SRPK3: variants seen among roughly 807,000 people sequenced by gnomAD.
SRPK3 encodes the protein SRSF protein kinase 3, also known as SFRS protein kinase 3.
SRPK3 carries 26 observed loss-of-function variants against 45.3 expected under a neutral mutation model. That is an observed-to-expected ratio of 0.57 (90% CI 0.42 to 0.80). SRPK3 has a LOEUF of 0.80. Among genes scored for constraint, SRPK3 ranks in the 30% least tolerant of loss-of-function variants. The probability of loss-of-function intolerance (pLI) is 0.00; values close to 1 mark genes in which losing one functional copy is unlikely to be tolerated. For missense variants in SRPK3, 536 were observed against 514.5 expected, an observed-to-expected ratio of 1.04 and a Z score of -0.40; for synonymous variants, 254 against 226.6, an observed-to-expected ratio of 1.12 and a Z score of -1.09.
chrX:153,781,180 G>T (rs782021714), intron 1 of SRPK3, 35 bp downstream of exon 1: 2 of 1,192,534 alleles, frequency 1.7e-6, no homozygotes, highest in South Asian at 3.7e-5. Context: ...AGCCCCTGGC[G>T]TCTCTCATGC....
chrX:153,781,767 A>G lies in SRPK3; in HGVS notation c.324A>G (p.Lys108=). ...GGCGCAAGCGCTTTGTGGCCCTCAA[A>G]GTGGTGAAGAGTGCGGGGCATTACA... The part of the protein sequence containing the change: ...DIQRKRFVAL[K]VVKSAGHYTE... The change falls in exon 4 of 15, where the codon AAA becomes AAG. Residue 108 remains lysine, a synonymous_variant. Coordinates refer to ENST00000370101, the MANE Select transcript of SRPK3 (RefSeq NM_014370.4). 8.3e-7 allele frequency: 1 copy of G among 1,211,415 alleles called. No individual in the cohort carries two copies. Among genetic ancestry groups the G allele is most frequent in the Non-Finnish European group, 1.1e-6 (1 of 895,468 alleles).
At chrX:153,781,471 C>T (rs1344942396) in intron 2 of SRPK3, 34 bp from the exon 3 acceptor site, 3 of 1,190,536 alleles carry the variant, frequency 2.5e-6, no homozygotes, top group Admixed American at 4.5e-5. Context: ...GAGTGAGAAC[C>T]CCCTCCACCC....
chrX:153,782,722 G>A (rs1388138533), intron 5 of SRPK3, 50 bp from the exon 6 acceptor site: 1 of 1,129,564 alleles, frequency 8.9e-7, no homozygotes, highest in Non-Finnish European at 1.2e-6. Context: ...GGGTGGGTGG[G>A]GCCTGTGCCG....
chrX:153,782,683 G>A (rs2092058899), intron 5 of SRPK3, 89 bp from the exon 6 acceptor site: 8 of 937,367 alleles, frequency 8.5e-6, no homozygotes, highest in East Asian at 3.4e-5. Context: ...ACCTCCACAC[G>A]GCCCAAGCCT....
Position 153,784,395 on chromosome X carries a change from G to A in SRPK3, c.1248+1G>A, listed in dbSNP as rs2092072265. On this transcript the variant is annotated splice_donor_variant, in intron 11 of 14. Coordinates refer to ENST00000370101, the MANE Select transcript of SRPK3 (RefSeq NM_014370.4). LOFTEE classifies it high-confidence loss of function. Reference sequence around the variant, plus strand: ...AGACCTGGGCAACGCCTGCTGGGTGGTATGAGCAAGTGTGGGAGAGCAGAG... The same window carrying A: ...AGACCTGGGCAACGCCTGCTGGGTGATATGAGCAAGTGTGGGAGAGCAGAG... The A allele has an allele frequency of 8.3e-7, 1 of 1,207,307 alleles. No individual in the cohort carries two copies. The highest frequency in any genetic ancestry group is 1.1e-6 in the Non-Finnish European group (1 of 893,425).
intron 7 of SRPK3, 29 bp from the exon 8 acceptor site, chrX:153,783,197 C>T (rs781926477): frequency 1.1e-5 from 11 of 974,088 alleles, no homozygotes; most frequent in South Asian, 6.8e-5. Flanking sequence ...TCCCTGTCCC[C>T]CCCCACCGCT....
At position 153,784,075 on chromosome X, in the gene SRPK3, G is replaced by A. The variant is rs200511882; in HGVS notation, c.1009G>A (p.Ala337Thr). The A allele has an allele frequency of 6.3e-5, 76 of 1,208,523 alleles. No homozygotes were observed. The highest frequency in any genetic ancestry group is 4.6e-4 in the Middle Eastern group (2 of 4,368). Residue 337 changes from alanine (A) to threonine (T), a missense_variant, in exon 10 of 15, where the codon GCC becomes ACC. Ala to Thr is a moderately conservative substitution (Grantham distance 58). Transcript: ENST00000370101. ...AGPSPASSSP[A>T]PGGGRSLSAG... ...TCCCTCCCCAGCCTCTTCCTCCCCC[G>A]CCCCAGGGGGCGGCCGTAGCCTCAG...
Position 153,785,140 on chromosome X carries a change from G to A in SRPK3, c.1486G>A (p.Gly496Ser). The change falls in exon 14 of 15, where the codon GGC becomes AGC. Residue 496 changes from glycine to serine, a missense_variant. Transcript: ENST00000370101. Reference protein sequence around the residue: ...GDIPPAFALSGRYSREFFNRR... With the variant: ...GDIPPAFALSSRYSREFFNRR... ...CATCCCCCCAGCCTTCGCCCTCTCA[G>A]GCCGCTATTCCCGGGAGTTCTTCAA... 1 of 1,210,775 alleles carries A rather than the reference G, an allele frequency of 8.3e-7. No individual in the cohort carries two copies. The highest frequency in any genetic ancestry group is 1.1e-6 in the Non-Finnish European group (1 of 895,314).
In SRPK3 at chrX:153,784,135, C is replaced by T; in HGVS notation, c.1069C>T (p.Leu357Phe). The T allele has an allele frequency of 8.3e-7, 1 of 1,210,909 alleles. No homozygotes were observed. Residue 357 changes from leucine (L) to phenylalanine (F), a missense_variant, in exon 10 of 15, where the codon CTC (leucine) becomes TTC (phenylalanine). By Grantham distance (22) the Leu-to-Phe change is conservative. Coordinates refer to ENST00000370101, the MANE Select transcript of SRPK3 (RefSeq NM_014370.4). ...GSQTSGFSGS[L>F]FSPASCSILS... ...ACAGACCTCAGGCTTCTCCGGCTCC[C>T]TCTTCTCTCCTGCCTCCTGCTCCAT... is the stretch of plus-strand genomic sequence containing the variant.
Position 153,785,631 on chromosome X carries a change from GGAGCCAGGCCCGGCTCTCA to G in SRPK3, c.*116_*134del. 1.0e-6 allele frequency: 1 copy of G among 1,004,467 alleles called. No individual in the cohort carries two copies. The highest frequency in any genetic ancestry group is 1.4e-6 in the Non-Finnish European group (1 of 740,296). The allele number at this position is 1,004,467 out of a possible 1,213,427, so 82.8% of individuals were successfully genotyped here. A position where few individuals can be genotyped will look rare whatever the true frequency, so the allele number is the denominator to read the frequency against. ...CACAACCACAGGGCAGAGAGACGCT[GGAGCCAGGCCCGGCTCTCA>G]GAGCGTGTTCTGCCTGAGACCCCCG... On this transcript the variant is annotated 3_prime_UTR_variant, in exon 15 of 15. Transcript: ENST00000370101.
rs782071535 is a variant in SRPK3, at chrX:153,782,370, G to C, written c.475+162G>C. 1.4e-4 allele frequency among the ~76,000 whole-genome samples: 16 copies of C among 112,872 alleles called. 1 individual carries two copies. The highest frequency in any genetic ancestry group is 1.2e-3 in the Admixed American group (13 of 10,808). On this transcript the variant is annotated intron_variant, in intron 5 of 14. Coordinates refer to ENST00000370101, the MANE Select transcript of SRPK3 (RefSeq NM_014370.4). Reference sequence around the variant, plus strand: ...CCCGCCCCCAGGTAACTGTGTTTACGTGGAGGCAGTAACAAGCTAGCGTTG... The same window carrying C: ...CCCGCCCCCAGGTAACTGTGTTTACCTGGAGGCAGTAACAAGCTAGCGTTG...
intron 13 of SRPK3, 34 bp downstream of exon 13, chrX:153,785,037 G>A (rs201695377): frequency 1.7e-6 from 2 of 1,211,055 alleles, no homozygotes; most frequent in East Asian, 5.9e-5. Flanking sequence ...CAGCCTCCCG[G>A]CCTCCCGGCC....
In SRPK3 at chrX:153,781,858, G is replaced by C. The variant is rs191989122; in HGVS notation, c.387+28G>C. On this transcript the variant is annotated intron_variant, in intron 4 of 14. Coordinates refer to ENST00000370101, the MANE Select transcript of SRPK3 (RefSeq NM_014370.4). ...GAGGCACCTCCCTACCCCACTCCCA[G>C]CTCCCCTGGAGCTGCCTGGGGCCTG... 8.6e-4 allele frequency: 1,032 copies of C among 1,202,953 alleles called. 8 individuals carry two copies. In the Admixed American group the frequency reaches 0.021, roughly 25 times the overall value.
chrX:153,784,598 TG>T, intron 11 of SRPK3, 151 bp from the exon 12 acceptor site: 1 of 735,154 alleles, frequency 1.4e-6, no homozygotes, highest in Non-Finnish European at 2.0e-6. Flanking sequence ...CTCACATCAC[TG>T]GGCCTGTCCC....
Position 153,781,534 on chromosome X carries a change from G to C in SRPK3, c.220G>C (p.Val74Leu), listed in dbSNP as rs374752419. 8.3e-7 allele frequency: 1 copy of C among 1,210,536 alleles called. No individual in the cohort carries two copies. Among genetic ancestry groups the C allele is most frequent in the South Asian group, 1.8e-5 (1 of 56,961 alleles). ...GGYHPVKIGD[V>L]FNGRYHVVRK... ...CTACCACCCTGTGAAGATCGGCGAC[G>C]TGTTCAATGGGCGGTACCACGTGGT... The change falls in exon 3 of 15, where the codon GTG (valine) becomes CTG (leucine). Residue 74 changes from valine to leucine, a missense_variant. Coordinates refer to ENST00000370101, the MANE Select transcript of SRPK3 (RefSeq NM_014370.4).
chrX:153,784,924 C>T lies in SRPK3; in HGVS notation c.1357-10C>T. On this transcript the variant is annotated splice_polypyrimidine_tract_variant and intron_variant, in intron 12 of 14. Coordinates refer to ENST00000370101, the MANE Select transcript of SRPK3 (RefSeq NM_014370.4). ...CACCAGCCAGCAGCCTCACCTCCTC[C>T]CCCTTCCAGGCCTTCGAGCTGGCCA... 2 of 1,210,903 alleles carry T rather than the reference C, an allele frequency of 1.7e-6. No homozygotes were observed. Among genetic ancestry groups the T allele is most frequent in the Non-Finnish European group, 2.2e-6 (2 of 895,244 alleles).
rs1341989111 is a variant in SRPK3, at chrX:153,781,730, C to T, written c.300-13C>T. 2 of 1,209,758 alleles carry T rather than the reference C, an allele frequency of 1.7e-6. No individual in the cohort carries two copies. Among genetic ancestry groups the T allele is most frequent in the Non-Finnish European group, 2.2e-6 (2 of 894,867 alleles). On this transcript the variant is annotated splice_polypyrimidine_tract_variant and intron_variant, in intron 3 of 14. Coordinates refer to ENST00000370101, the MANE Select transcript of SRPK3 (RefSeq NM_014370.4). The stretch of plus-strand genomic sequence containing the variant: ...TGCCAGGGCCACAGCCTACAAGGGT[C>T]TCGGTATTGCAGGCGCAAGCGCTTT...
Position 153,785,449 on chromosome X carries a change from A to G in SRPK3, c.1633A>G (p.Met545Val). Residue 545 changes from methionine (M) to valine (V), a missense_variant, in exon 15 of 15, where the codon ATG (methionine) becomes GTG (valine). Coordinates refer to ENST00000370101, the MANE Select transcript of SRPK3 (RefSeq NM_014370.4). ...ATQFSAFLLP[M>V]MEYIPEKRAS... ...ACAGTTCAGCGCCTTTCTGCTGCCCATGATGGAGTACATCCCCGAAAAGCG... is the reference window on the plus strand; with the variant it reads ...ACAGTTCAGCGCCTTTCTGCTGCCCGTGATGGAGTACATCCCCGAAAAGCG... 1 of 1,211,162 alleles carries G rather than the reference A, an allele frequency of 8.3e-7. No individual in the cohort carries two copies. The highest frequency in any genetic ancestry group is 1.1e-6 in the Non-Finnish European group (1 of 895,437).
chrX:153,781,869 G>C (rs782153557), intron 4 of SRPK3, 39 bp downstream of exon 4: 2 of 1,193,460 alleles, frequency 1.7e-6, no homozygotes, highest in South Asian at 3.6e-5. Context: ...CTCCCCTGGA[G>C]CTGCCTGGGG....
Sources: gnomAD v4.1 joint callset for allele counts (sites outside exome capture counted in the v4.1 genomes callset) on GRCh38, gnomAD v4.1.1 for gene constraint, MANE v1.5 for transcripts, NCBI Gene and HGNC (gene_info 2026-07-23, HGNC 2026-07-21) for gene names.